Variants in SMPX observed in about 807,000 individuals in gnomAD.
The protein encoded by SMPX is small muscular protein.
Under a neutral mutation model 6.3 loss-of-function variants are expected in SMPX, and 2 were observed. The ratio of observed to expected loss-of-function variants is 0.32; its 90% confidence interval spans 0.13 to 0.99. The LOEUF is 0.99. SMPX is among the 50% of genes least tolerant of loss of function. The probability of loss-of-function intolerance (pLI) is 0.49; values close to 1 mark genes in which losing one functional copy is unlikely to be tolerated. For missense variants in SMPX, 60 were observed against 66.8 expected (o/e 0.90, Z 0.36); for synonymous variants, 32 against 24.7 (o/e 1.30, Z -0.88).
chrX:21,737,815 C>A, intron 3 of SMPX, 118 bp from the exon 4 acceptor site: 1 of 678,012 alleles, frequency 1.5e-6, no homozygotes, highest in East Asian at 3.5e-5. Flanking sequence ...GTGATTCTAG[C>A]AGAGTGACTG....
At chrX:21,708,407 A>G (rs1423042665) in intron 4 of SMPX, among the ~76,000 whole-genome samples, 2 of 112,673 alleles carry the variant, frequency 1.8e-5, no homozygotes, top group African/African-American at 6.4e-5. Context: ...TCTTTCTTGT[A>G]TATTTCTTTA....
chrX:21,743,013 G>T (rs758571498), intron 3 of SMPX, among the ~76,000 whole-genome samples: 3 of 111,584 alleles, frequency 2.7e-5, no homozygotes, highest in Non-Finnish European at 5.6e-5. Context: ...GTTACAATTG[G>T]GTAAGAAATA....
intron 1 of SMPX, among the ~76,000 whole-genome samples, chrX:21,756,593 G>A (rs2092833195): frequency 1.8e-5 from 2 of 112,471 alleles, no homozygotes; most frequent in Admixed American, 9.4e-5. Flanking sequence ...GAGAAATCAG[G>A]GCAAAGCATA....
chrX:21,740,713 C>T (rs1313357620), intron 3 of SMPX, among the ~76,000 whole-genome samples: 1 of 112,307 alleles, frequency 8.9e-6, no homozygotes, highest in Non-Finnish European at 1.9e-5. Flanking sequence ...TCATCCCTGT[C>T]TTACAGTGGA....
At chrX:21,713,984 A>AT (rs1190889544) in intron 4 of SMPX, among the ~76,000 whole-genome samples, 1 of 112,184 alleles carries the variant, frequency 8.9e-6, no homozygotes, top group African/African-American at 3.2e-5. Context: ...AACTTGATGA[A>AT]TTTTTTTACC....
chrX:21,718,261 A>G (rs952573586), intron 4 of SMPX, among the ~76,000 whole-genome samples: 1 of 112,452 alleles, frequency 8.9e-6, no homozygotes. Flanking sequence ...ACAAGAATAC[A>G]TAGTGGATGA....
At chrX:21,715,672 C>T (rs954316801) in intron 4 of SMPX, among the ~76,000 whole-genome samples, 1 of 110,891 alleles carries the variant, frequency 9.0e-6, no homozygotes, top group Non-Finnish European at 1.9e-5. Context: ...GGTCCATGGA[C>T]CACTTGAAAA....
chrX:21,706,908 GT>G lies in SMPX; in HGVS notation c.*15-515del, dbSNP rs1220922288. On this transcript the variant is annotated intron_variant, in intron 4 of 4. Transcript: ENST00000379494. ...GTTTGCTTCCCCTTCTGCCATGATT[GT>G]AAGTTTCTGAGGCCTTCCCAGCCCT... 1.1e-4 allele frequency among the ~76,000 whole-genome samples: 12 copies of G among 110,246 alleles called. No individual in the cohort carries two copies. In the East Asian group the frequency reaches 3.4e-3, roughly 31 times the overall value.
intron 2 of SMPX, among the ~76,000 whole-genome samples, chrX:21,747,711 C>T (rs1003212983): frequency 9.0e-6 from 1 of 111,423 alleles, no homozygotes; most frequent in African/African-American, 3.3e-5. Flanking sequence ...AGCCATTGTT[C>T]TCTTATCTCC....
rs1355839454 is a variant in SMPX at position 21,737,678 on chromosome X, T to A, written c.152A>T (p.Asp51Val). ...TCCTGGAATTGGCTTCTTCTCCTCA[T>A]CCGAGGTGGGAGGAACACCCTGAAG... Reference protein sequence around the residue: ...EVEEGVPPTSDEEKKPIPGAK... With the variant: ...EVEEGVPPTSVEEKKPIPGAK... The change falls in exon 4 of 5, where the codon GAT becomes GTT. Residue 51 changes from aspartate (D) to valine (V), a missense_variant. By Grantham distance (152) the Asp-to-Val change is radical. Transcript: ENST00000379494. 8.3e-7 allele frequency: 1 copy of A among 1,208,814 alleles called. No homozygotes were observed. The highest frequency in any genetic ancestry group is 2.2e-5 in the Admixed American group (1 of 45,764).
intron 4 of SMPX, among the ~76,000 whole-genome samples, chrX:21,723,921 T>C (rs933299939): frequency 1.8e-5 from 2 of 112,027 alleles, no homozygotes; most frequent in Non-Finnish European, 3.8e-5. Flanking sequence ...TCTAGAGCAT[T>C]ATCAGCTGTT....
Position 21,737,585 on chromosome X carries a change from T to C in SMPX, c.245A>G (p.Tyr82Cys). ...CTACTACTGTTCAGCTTTGGGGACA[T>C]ATTTTAGTTCACTTTTAATATTCTG... ...EIQNIKSELK[Y>C]VPKAEQ Residue 82 changes from tyrosine (Y) to cysteine (C), a missense_variant, in exon 4 of 5, where the codon TAT (tyrosine) becomes TGT (cysteine). Tyr to Cys is a radical substitution (Grantham distance 194). Transcript: ENST00000379494. 1.7e-6 allele frequency: 2 copies of C among 1,206,157 alleles called. No homozygotes were observed. The highest frequency in any genetic ancestry group is 2.2e-6 in the Non-Finnish European group (2 of 890,466).
At chrX:21,710,432 A>G (rs910191012) in intron 4 of SMPX, among the ~76,000 whole-genome samples, 11 of 111,457 alleles carry the variant, frequency 9.9e-5, no homozygotes, top group Admixed American at 1.9e-4. Flanking sequence ...TAGGGATAAA[A>G]ACAACATATT....
intron 2 of SMPX, among the ~76,000 whole-genome samples, chrX:21,747,661 G>T (rs906258949): frequency 9.0e-6 from 1 of 111,173 alleles, no homozygotes; most frequent in Non-Finnish European, 1.9e-5. Context: ...GCTGCCAGCC[G>T]GCTGGGTACT....
intron 4 of SMPX, among the ~76,000 whole-genome samples, chrX:21,706,656 T>A (rs1314205224): frequency 9.0e-6 from 1 of 111,231 alleles, no homozygotes; most frequent in Non-Finnish European, 1.9e-5. Flanking sequence ...GTACAATAGA[T>A]CCGATATGGT....
chrX:21,751,217 C>T (rs1569309628), intron 2 of SMPX, among the ~76,000 whole-genome samples: 1 of 112,187 alleles, frequency 8.9e-6, no homozygotes, highest in Non-Finnish European at 1.9e-5. Flanking sequence ...TGTTTCTGCC[C>T]TCTTGGAAAT....
At chrX:21,719,390 C>T (rs766167428) in intron 4 of SMPX, among the ~76,000 whole-genome samples, 5 of 110,501 alleles carry the variant, frequency 4.5e-5, no homozygotes, top group Admixed American at 9.7e-5. Flanking sequence ...TGGTGACGCA[C>T]GCCTGTAATC....
At chrX:21,723,115 G>A (rs1355839029) in intron 4 of SMPX, among the ~76,000 whole-genome samples, 2 of 111,370 alleles carry the variant, frequency 1.8e-5, no homozygotes, top group African/African-American at 6.5e-5. Flanking sequence ...ATGGCTCTAG[G>A]TCAGTGGTTC....
intron 2 of SMPX, among the ~76,000 whole-genome samples, chrX:21,753,275 G>A (rs751051979): frequency 4.5e-5 from 5 of 111,655 alleles, no homozygotes; most frequent in Non-Finnish European, 9.4e-5. Context: ...TATTAGTCGT[G>A]ACAGGTAAAG....
Sources: gnomAD v4.1 joint callset for allele counts (sites outside exome capture counted in the v4.1 genomes callset) on GRCh38, gnomAD v4.1.1 for gene constraint, MANE v1.5 for transcripts, NCBI Gene and HGNC (gene_info 2026-07-23, HGNC 2026-07-21) for gene names.